TENM1: variants seen among roughly 807,000 people sequenced by gnomAD.
TENM1 encodes the protein teneurin-1.
Under a neutral mutation model 174.8 loss-of-function variants are expected in TENM1, and 35 were observed. The ratio of observed to expected loss-of-function variants is 0.20; its 90% confidence interval spans 0.15 to 0.27. TENM1 has a LOEUF of 0.27. Ranked by LOEUF, TENM1 falls within the 10% of genes least tolerant of loss-of-function variation. The pLI is 1.00. For synonymous variants in TENM1, 781 were observed against 798.7 expected (o/e 0.98, Z 0.37); for missense variants, 1,633 against 2,130.1 (o/e 0.77, Z 4.59).
At chrX:125,176,763 A>G in the TENM1 span, among the ~76,000 whole-genome samples, 1 of 111,904 alleles carries the variant, frequency 8.9e-6, no homozygotes, top group Non-Finnish European at 1.9e-5. Context: ...TTAACTGAAA[A>G]CCAGCCTTTC....
intron 1 of TENM1, among the ~76,000 whole-genome samples, chrX:124,936,277 AC>A (rs1257041841): frequency 3.6e-5 from 4 of 111,573 alleles, no homozygotes; most frequent in Admixed American, 2.8e-4. Context: ...ATTAAAACAC[AC>A]CAAACTCTTT....
intron 11 of TENM1, among the ~76,000 whole-genome samples, chrX:124,574,376 T>C (rs1316255591): frequency 9.0e-6 from 1 of 111,664 alleles, no homozygotes; most frequent in Non-Finnish European, 1.9e-5. Flanking sequence ...ATGGTGATCA[T>C]ATTTGGCACC....
At chrX:124,384,512 A>G (rs1215299755) in exon 30 of TENM1, 16 of 1,209,174 alleles carry the variant, frequency 1.3e-5, no homozygotes, top group Non-Finnish European at 1.8e-5. Flanking sequence ...ACATATTACC[A>G]TGCGGCCCAC....
intron 11 of TENM1, among the ~76,000 whole-genome samples, chrX:124,636,848 A>C (rs969262536): frequency 7.1e-5 from 8 of 111,897 alleles, no homozygotes; most frequent in Non-Finnish European, 1.9e-5. Flanking sequence ...ACAGACTGCA[A>C]GCTCCATTAG....
At chrX:124,472,095 C>T (rs2061339801) in intron 22 of TENM1, among the ~76,000 whole-genome samples, 1 of 107,752 alleles carries the variant, frequency 9.3e-6, no homozygotes, top group Non-Finnish European at 1.9e-5. Flanking sequence ...ATACTTCTTC[C>T]ACTGTCCCAT....
rs144377778 is a variant in TENM1 at position 124,420,123 on chromosome X, G to A, written c.4982+188C>T. ...TTTTTATTATTATGCTCTGCAAACT[G>A]CTCTGGAAAAATGGGTCTGAACTCT... On this transcript the variant is annotated intron_variant, in intron 25 of 31. Coordinates refer to ENST00000422452, the Ensembl canonical transcript of TENM1. 2.7e-3 allele frequency among the ~76,000 whole-genome samples: 306 copies of A among 111,575 alleles called. 1 individual carries two copies. The highest frequency in any genetic ancestry group is 9.5e-3 in the African/African-American group (291 of 30,708).
At chrX:124,927,891 T>C (rs2058113832) in intron 1 of TENM1, among the ~76,000 whole-genome samples, 1 of 112,106 alleles carries the variant, frequency 8.9e-6, no homozygotes, top group African/African-American at 3.2e-5. Flanking sequence ...CAGATCTTAA[T>C]ACCAATTATA....
the TENM1 span, among the ~76,000 whole-genome samples, chrX:125,026,352 C>A: frequency 9.0e-6 from 1 of 110,856 alleles, no homozygotes; most frequent in East Asian, 2.8e-4. Context: ...CTAACATACT[C>A]CAAGGAAAAA....
At chrX:124,425,168 C>T (rs183504610) in intron 23 of TENM1, among the ~76,000 whole-genome samples, 11 of 112,134 alleles carry the variant, frequency 9.8e-5, no homozygotes, top group Admixed American at 8.5e-4. Flanking sequence ...AGGTTGAGTT[C>T]ATGTCTTAGC....
At chrX:125,140,680 T>C in the TENM1 span, among the ~76,000 whole-genome samples, 10 of 112,508 alleles carry the variant, frequency 8.9e-5, no homozygotes, top group Non-Finnish European at 1.7e-4. Context: ...GTATTACACA[T>C]TGTATGCATG....
intron 25 of TENM1, among the ~76,000 whole-genome samples, chrX:124,409,722 A>G (rs1177554230): frequency 2.9e-5 from 3 of 104,485 alleles, no homozygotes; most frequent in African/African-American, 1.1e-4. Context: ...TTATACACCA[A>G]TAACAGACAA....
At chrX:124,489,501 C>T (rs2047020569) in intron 20 of TENM1, among the ~76,000 whole-genome samples, 2 of 111,533 alleles carry the variant, frequency 1.8e-5, no homozygotes, top group South Asian at 7.7e-4. Context: ...TATGAAGAAA[C>T]TCCATACCTA....
intron 25 of TENM1, 138 bp downstream of exon 28, chrX:124,420,170 CCTT>C (rs1185805906): frequency 1.3e-6 from 1 of 758,637 alleles, no homozygotes; most frequent in African/African-American, 2.1e-5. Context: ...AAAATTTTCT[CCTT>C]GACTTTTCAT....
At chrX:124,534,541 T>C (rs1438422114) in intron 15 of TENM1, among the ~76,000 whole-genome samples, 2 of 112,379 alleles carry the variant, frequency 1.8e-5, no homozygotes, top group African/African-American at 6.5e-5. Context: ...CTGATTAATG[T>C]CTTTCGAAAG....
intron 11 of TENM1, among the ~76,000 whole-genome samples, chrX:124,585,580 A>C (rs2049480926): frequency 8.9e-6 from 1 of 111,734 alleles, no homozygotes. Flanking sequence ...CACAAGAGAA[A>C]GCAGGAAAGA....
chrX:124,686,022 T>C (rs1405389860), intron 5 of TENM1, among the ~76,000 whole-genome samples: 3 of 111,704 alleles, frequency 2.7e-5, no homozygotes, highest in Non-Finnish European at 5.6e-5. Context: ...TAGAAATAGA[T>C]TGAACATAAA....
At chrX:124,556,688 G>C (rs1323735469) in intron 14 of TENM1, among the ~76,000 whole-genome samples, 1 of 110,307 alleles carries the variant, frequency 9.1e-6, no homozygotes, top group Non-Finnish European at 1.9e-5. Flanking sequence ...ATCTTTAAAG[G>C]GTACCCATTT....
chrX:124,736,830 T>C, intron 4 of TENM1, 127 bp downstream of exon 7: 1 of 909,504 alleles, frequency 1.1e-6, no homozygotes, highest in Middle Eastern at 4.1e-4. Context: ...CCCATGCATC[T>C]GGGTGTGTAT....
rs1364990973 is a variant in TENM1 at position 124,605,209 on chromosome X, CAT to C, written c.2077+36580_2077+36581del. Among the ~76,000 whole-genome samples, 357 of 100,148 alleles carry C rather than the reference CAT, an allele frequency of 3.6e-3. 2 individuals are homozygous for C. Among genetic ancestry groups the C allele is most frequent in the African/African-American group, 0.013 (342 of 27,343 alleles). 87.0% of individuals were successfully genotyped at this position (100,148 alleles called of 115,157 possible). Reference sequence around the variant, plus strand: ...CTAGAAAGTTCAATACTGCTTTCACCATACTAGATGGGCTTTTCTTTCAGTAA... The same window carrying C: ...CTAGAAAGTTCAATACTGCTTTCACCACTAGATGGGCTTTTCTTTCAGTAA... On this transcript the variant is annotated intron_variant, in intron 11 of 31. Coordinates refer to ENST00000422452, the Ensembl canonical transcript of TENM1.
Sources: gnomAD v4.1 joint callset for allele counts (sites outside exome capture counted in the v4.1 genomes callset) on GRCh38, gnomAD v4.1.1 for gene constraint, MANE v1.5 for transcripts, NCBI Gene and HGNC (gene_info 2026-07-23, HGNC 2026-07-21) for gene names.